The following MPHOSPH6 variants were observed in gnomAD, a reference collection of about 807,000 sequenced individuals.
MPHOSPH6 encodes the protein M-phase phosphoprotein 6.
A neutral mutation model predicts 21.8 loss-of-function variants in MPHOSPH6; 25 were observed. The observed-to-expected ratio is 1.15, with a 90% confidence interval of 0.83 to 1.60. The LOEUF is 1.60. Among genes scored for constraint, MPHOSPH6 ranks in the 40% most tolerant of loss-of-function variants. MPHOSPH6 has a pLI of 0.00. For synonymous variants in MPHOSPH6, 84 were observed against 56.5 expected, an observed-to-expected ratio of 1.49 and a Z score of -2.18; for missense variants, 269 against 181.8, an observed-to-expected ratio of 1.48 and a Z score of -2.76.
At position 82,149,415 on chromosome 16, in the gene MPHOSPH6, A is replaced by C; in HGVS notation, c.256-12T>G. ...TGAAGCATCAATTTCTGAAAAATAC[A>C]CCAGTGCTGACCTTCAGGCTAGAAA... On this transcript the variant is annotated splice_polypyrimidine_tract_variant and intron_variant, in intron 3 of 4. Transcript: ENST00000258169. The C allele has an allele frequency of 6.2e-7, 1 of 1,607,526 alleles. No homozygotes were observed. Among genetic ancestry groups the C allele is most frequent in the Non-Finnish European group, 8.5e-7 (1 of 1,177,470 alleles).
intron 2 of MPHOSPH6, among the ~76,000 whole-genome samples, chr16:82,158,657 A>AAAAT (rs1392329842): frequency 6.6e-6 from 1 of 152,162 alleles, no homozygotes; most frequent in Admixed American, 6.5e-5. Flanking sequence ...CATTTTCTTG[A>AAAAT]AAATAAATAA....
intron 2 of MPHOSPH6, among the ~76,000 whole-genome samples, chr16:82,151,738 C>G (rs1030889932): frequency 3.3e-5 from 5 of 152,138 alleles, no homozygotes; most frequent in African/African-American, 1.2e-4. Context: ...CTCTTAAACA[C>G]CACATTTAAT....
At chr16:82,149,245 G>T in intron 4 of MPHOSPH6, 64 bp downstream of exon 4, 1 of 1,506,204 alleles carries the variant, frequency 6.6e-7, no homozygotes, top group Non-Finnish European at 9.2e-7. Flanking sequence ...GGTAAGAGGA[G>T]CATTCCTGGG....
rs768206635 is a variant in MPHOSPH6, at chr16:82,148,807, G to A, written c.407C>T (p.Ala136Val). The A allele has an allele frequency of 6.2e-7, 1 of 1,613,786 alleles. No homozygotes were observed. Among genetic ancestry groups the A allele is most frequent in the African/African-American group, 1.3e-5 (1 of 74,834 alleles). ...GKKFARKRDHANYEEDENGDI... is the reference protein window; with the variant it reads ...GKKFARKRDHVNYEEDENGDI... ...TCCATTTTCATCTTCTTCATAATTG[G>A]CATGGTCTCTCTTTCTGGCAAACTT... is the stretch of plus-strand genomic sequence containing the variant. The change falls in exon 5 of 5, where the codon GCC becomes GTC. Residue 136 changes from alanine (A) to valine (V), a missense_variant. Coordinates refer to ENST00000258169, the MANE Select transcript of MPHOSPH6 (RefSeq NM_005792.2).
At chr16:82,166,766 T>C (rs1421057199) in intron 1 of MPHOSPH6, among the ~76,000 whole-genome samples, 1 of 152,216 alleles carries the variant, frequency 6.6e-6, no homozygotes, top group African/African-American at 2.4e-5. Flanking sequence ...ATATTCCTCG[T>C]GGTAAAACTC....
intron 1 of MPHOSPH6, among the ~76,000 whole-genome samples, chr16:82,167,122 C>T (rs1001756694): frequency 2.6e-5 from 4 of 152,180 alleles, no homozygotes; most frequent in Admixed American, 6.5e-5. Flanking sequence ...CTGTCTGGCT[C>T]ATAAGACCAA....
Position 82,165,144 on chromosome 16 carries a change from T to TTTTTG in MPHOSPH6, c.52-951_52-950insCAAAA, listed in dbSNP as rs1555540871. Reference sequence around the variant, plus strand: ...TTATTTTTTTTTTTATTTTTTTTTTTTGAGACAGAGTCTCACTCTGTCGCC... The same window carrying TTTTTG: ...TTATTTTTTTTTTTATTTTTTTTTTTTTTTGTGAGACAGAGTCTCACTCTGTCGCC... On this transcript the variant is annotated intron_variant, in intron 1 of 4. Coordinates refer to ENST00000258169, the MANE Select transcript of MPHOSPH6 (RefSeq NM_005792.2). Among the ~76,000 whole-genome samples the TTTTTG allele has an allele frequency of 1.1e-3, 116 of 108,656 alleles. 7 individuals are homozygous for TTTTTG. The highest frequency in any genetic ancestry group is 1.6e-3 in the Non-Finnish European group (84 of 53,520). 71.3% of individuals were successfully genotyped at this position (108,656 alleles called of 152,430 possible).
rs1906298520 is a variant in MPHOSPH6, at chr16:82,152,561, C to G, written c.165-1047G>C. Among the ~76,000 whole-genome samples, 4 of 152,258 alleles carry G rather than the reference C, an allele frequency of 2.6e-5. No individual in the cohort carries two copies. The South Asian group carries it at 8.3e-4, about 32-fold the overall frequency. ...GGGCATCTCAGAATCACCGGGAAGG[C>G]TGAAGGGGCAGAATTGGAAGACGGG... On this transcript the variant is annotated intron_variant, in intron 2 of 4. Transcript: ENST00000258169.
At chr16:82,155,201 CA>C (rs1248190912) in intron 2 of MPHOSPH6, among the ~76,000 whole-genome samples, 26 of 152,190 alleles carry the variant, frequency 1.7e-4, no homozygotes, top group Non-Finnish European at 3.4e-4. Context: ...GACCACTGAT[CA>C]GGGGCATTGA....
chr16:82,152,499 G>C (rs1906296270), intron 2 of MPHOSPH6, among the ~76,000 whole-genome samples: 1 of 152,172 alleles, frequency 6.6e-6, no homozygotes, highest in South Asian at 2.1e-4. Context: ...ACCCCTTGTA[G>C]ATATCAAAAT....
chr16:82,165,138 T>C (rs1309732579), intron 1 of MPHOSPH6, among the ~76,000 whole-genome samples: 1 of 125,530 alleles, frequency 8.0e-6, no homozygotes, highest in Non-Finnish European at 1.7e-5. Flanking sequence ...TTTTTATTTT[T>C]TTTTTTTGAG....
intron 2 of MPHOSPH6, among the ~76,000 whole-genome samples, chr16:82,158,159 A>G (rs1225003871): frequency 6.6e-6 from 1 of 152,128 alleles, no homozygotes; most frequent in Non-Finnish European, 1.5e-5. Context: ...ATTACTTTAA[A>G]AAATATTCGG....
At chr16:82,161,431 A>T (rs1218755586) in intron 2 of MPHOSPH6, among the ~76,000 whole-genome samples, 1 of 152,200 alleles carries the variant, frequency 6.6e-6, no homozygotes, top group Admixed American at 6.5e-5. Flanking sequence ...AATACTTCTT[A>T]AACAACTTGC....
intron 2 of MPHOSPH6, among the ~76,000 whole-genome samples, chr16:82,162,840 G>T (rs528326719): frequency 2.1e-4 from 32 of 152,274 alleles, no homozygotes; most frequent in African/African-American, 6.3e-4. Context: ...TCATTTTCTG[G>T]GAATAATATG....
rs558183791 is a variant in MPHOSPH6 at position 82,164,303 on chromosome 16, C to T, written c.52-109G>A. 6.6e-5 allele frequency: 47 copies of T among 717,164 alleles called. No homozygotes were observed. The South Asian group carries it at 8.7e-4, about 13-fold the overall frequency. The allele number at this position is 717,164 out of a possible 1,614,324, so 44.4% of individuals were successfully genotyped here. A position where few individuals can be genotyped will look rare whatever the true frequency, so the allele number is the denominator to read the frequency against. ...GTTCTCCTTCATTTATCTATGGAACCCATCTCAAGATTGAGGGTTGGGGCA... is the reference window on the plus strand; with the variant it reads ...GTTCTCCTTCATTTATCTATGGAACTCATCTCAAGATTGAGGGTTGGGGCA... On this transcript the variant is annotated intron_variant, in intron 1 of 4. Transcript: ENST00000258169.
intron 2 of MPHOSPH6, among the ~76,000 whole-genome samples, chr16:82,159,968 A>T (rs1906555678): frequency 1.3e-5 from 2 of 152,240 alleles, no homozygotes; most frequent in African/African-American, 4.8e-5. Context: ...CTCAATTCCA[A>T]AGTAAATCAT....
At position 82,170,191 on chromosome 16, in the gene MPHOSPH6, G is replaced by A. The variant is rs765512342; in HGVS notation, c.-16C>T. 4.4e-6 allele frequency: 7 copies of A among 1,573,150 alleles called. No homozygotes were observed. The highest frequency in any genetic ancestry group is 4.9e-5 in the East Asian group (2 of 40,428). On this transcript the variant is annotated 5_prime_UTR_variant, in exon 1 of 5. Coordinates refer to ENST00000258169, the MANE Select transcript of MPHOSPH6 (RefSeq NM_005792.2). ...CGGCCGCCATGGTAGCTTCCGCCCA[G>A]CGCCGCACTCCGGCCGCGAGCCTCA... is the stretch of plus-strand genomic sequence containing the variant.
intron 2 of MPHOSPH6, among the ~76,000 whole-genome samples, chr16:82,160,244 T>C (rs1412482137): frequency 2.0e-5 from 3 of 152,228 alleles, no homozygotes; most frequent in East Asian, 1.9e-4. Flanking sequence ...TACCTCTTTT[T>C]GTATTTTAAT....
intron 1 of MPHOSPH6, among the ~76,000 whole-genome samples, chr16:82,168,365 C>G (rs1178374860): frequency 6.6e-6 from 1 of 152,080 alleles, no homozygotes; most frequent in Non-Finnish European, 1.5e-5. Flanking sequence ...TTGACAAACT[C>G]TAAGTTATGC....
Sources: gnomAD v4.1 joint callset for allele counts (sites outside exome capture counted in the v4.1 genomes callset) on GRCh38, gnomAD v4.1.1 for gene constraint, MANE v1.5 for transcripts, NCBI Gene and HGNC (gene_info 2026-07-23, HGNC 2026-07-21) for gene names.